DCAF12L2: variants seen among roughly 807,000 people sequenced by gnomAD.
DCAF12L2 encodes DDB1 and CUL4 associated factor 12 like 2, also known as DDB1- and CUL4-associated factor 12-like protein 2.
A neutral mutation model predicts 20.2 loss-of-function variants in DCAF12L2; 16 were observed. The ratio of observed to expected loss-of-function variants is 0.79; its 90% CI spans 0.54 to 1.20. The LOEUF is 1.20. Among genes scored for constraint, DCAF12L2 ranks in the 50% most tolerant of loss-of-function variants. The pLI is 0.00. For missense variants in DCAF12L2, 355 were observed against 404.8 expected (o/e 0.88, Z 1.06); for synonymous variants, 195 against 190.0 (o/e 1.03, Z -0.22).
Position 126,165,062 on chromosome X carries a change from A to C in DCAF12L2, c.863T>G (p.Leu288Arg), listed in dbSNP as rs937598011. 2 of 1,211,942 alleles carry C rather than the reference A, an allele frequency of 1.7e-6. No individual in the cohort carries two copies. The highest frequency in any genetic ancestry group is 2.2e-6 in the Non-Finnish European group (2 of 895,490). Residue 288 changes from leucine (L) to arginine (R), a missense_variant, in exon 1 of 1, where the codon CTG becomes CGG. Leu to Arg is a moderately radical substitution (Grantham distance 102). Transcript: ENST00000360028. ...GAVSLDGYFH[L>R]WKARSTLSRL... ...GGATAGTGTGCTCCGGGCTTTCCACAGGTGGAAGTAGCCGTCCAAGGACAC... is the reference window on the plus strand; with the variant it reads ...GGATAGTGTGCTCCGGGCTTTCCACCGGTGGAAGTAGCCGTCCAAGGACAC...
In DCAF12L2 at chrX:126,164,900, C is replaced by G. The variant is rs749561365; in HGVS notation, c.1025G>C (p.Arg342Pro). 8.2e-7 allele frequency: 1 copy of G among 1,212,155 alleles called. No individual in the cohort carries two copies. The highest frequency in any genetic ancestry group is 1.1e-6 in the Non-Finnish European group (1 of 895,573). The change falls in exon 1 of 1, where the codon CGG (arginine) becomes CCG (proline). Residue 342 changes from arginine (R) to proline (P), a missense_variant. Arg to Pro is a moderately radical substitution (Grantham distance 103). Transcript: ENST00000360028. The part of the protein sequence containing the change: ...LDPRQRQQNI[R>P]PLCSREGGTG... ...GCCACCCTCTCGAGAGCACAGGGGC[C>G]GGATGTTCTGCTGGCGCTGGCGCGG...
In DCAF12L2 at chrX:126,165,460, G is replaced by A. The variant is rs780510617; in HGVS notation, c.465C>T (p.Ile155=). 1.6e-6 allele frequency: 2 copies of A among 1,212,257 alleles called. No individual in the cohort carries two copies. The highest frequency in any genetic ancestry group is 3.4e-5 in the African/African-American group (2 of 58,007). The part of the protein sequence containing the change: ...QAHQGCGIHA[I]ELNPSKTLLA... ...GAAGCGTCTTGGAGGGATTCAGCTCGATGGCATGGATGCCGCAGCCCTGGT... is the reference window on the plus strand; with the variant it reads ...GAAGCGTCTTGGAGGGATTCAGCTCAATGGCATGGATGCCGCAGCCCTGGT... Residue 155 remains isoleucine, a synonymous_variant, in exon 1 of 1, where the codon ATC becomes ATT. Transcript: ENST00000360028.
In DCAF12L2 at chrX:126,165,051, G is replaced by C. The variant is rs768348348; in HGVS notation, c.874C>G (p.Arg292Gly). 2.5e-6 allele frequency: 3 copies of C among 1,212,007 alleles called. No individual in the cohort carries two copies. Among genetic ancestry groups the C allele is most frequent in the Non-Finnish European group, 3.4e-6 (3 of 895,502 alleles). ...GACAGGAGCCTGGATAGTGTGCTCC[G>C]GGCTTTCCACAGGTGGAAGTAGCCG... is the stretch of plus-strand genomic sequence containing the variant. ...LDGYFHLWKARSTLSRLLSIR... is the reference protein window; with the variant it reads ...LDGYFHLWKAGSTLSRLLSIR... Residue 292 changes from arginine to glycine, a missense_variant, in exon 1 of 1, where the codon CGG (arginine) becomes GGG (glycine). Coordinates refer to ENST00000360028, the MANE Select transcript of DCAF12L2 (RefSeq NM_001013628.3).
Position 126,165,818 on chromosome X carries a change from G to A in DCAF12L2, c.107C>T (p.Pro36Leu). 8.3e-7 allele frequency: 1 copy of A among 1,208,172 alleles called. No individual in the cohort carries two copies. The highest frequency in any genetic ancestry group is 1.1e-6 in the Non-Finnish European group (1 of 894,945). The stretch of plus-strand genomic sequence containing the variant: ...CCGCTTCTGCTTCTTGGGTAGCAGA[G>A]GCCCCTCTCCGTCCGCCGCCGCTAA... ...QGLAAADGEG[P>L]LLPKKQKRPA... Residue 36 changes from proline (P) to leucine (L), a missense_variant, in exon 1 of 1, where the codon CCT (proline) becomes CTT (leucine). Coordinates refer to ENST00000360028, the MANE Select transcript of DCAF12L2 (RefSeq NM_001013628.3).
Position 126,166,051 on chromosome X carries a change from G to A in DCAF12L2, c.-127C>T, listed in dbSNP as rs1424986758. Reference sequence around the variant, plus strand: ...CGGTGGTGGGGATGGCTGCGCTTCCGCGTCAGCCGAGAGCTCAGGATCTCT... The same window carrying A: ...CGGTGGTGGGGATGGCTGCGCTTCCACGTCAGCCGAGAGCTCAGGATCTCT... On this transcript the variant is annotated 5_prime_UTR_variant, in exon 1 of 1. Transcript: ENST00000360028. 3.3e-5 allele frequency: 23 copies of A among 687,146 alleles called. No homozygotes were observed. The highest frequency in any genetic ancestry group is 4.0e-5 in the Non-Finnish European group (23 of 579,537). 56.6% of individuals were successfully genotyped at this position (687,146 alleles called of 1,213,427 possible).
In DCAF12L2 at chrX:126,165,567, G is replaced by A; in HGVS notation, c.358C>T (p.Leu120=). The stretch of plus-strand genomic sequence containing the variant: ...CCTGACTGCACGTCCACCACAAACA[G>A]CGTATTACACTTGGTGCCGCACACC... ...QVVCGTKCNT[L]FVVDVQSGHI... Residue 120 remains leucine (L), a synonymous_variant, in exon 1 of 1, where the codon CTG becomes TTG. Transcript: ENST00000360028. 8.2e-7 allele frequency: 1 copy of A among 1,212,417 alleles called. No individual in the cohort carries two copies. The highest frequency in any genetic ancestry group is 1.1e-6 in the Non-Finnish European group (1 of 895,565).
Position 126,164,924 on chromosome X carries a change from G to C in DCAF12L2, c.1001C>G (p.Pro334Arg). The part of the protein sequence containing the change: ...GSQSHVSFLD[P>R]RQRQQNIRPL... ...CCGGATGTTCTGCTGGCGCTGGCGC[G>C]GATCCAGGAAGGAGACGTGGGACTG... The change falls in exon 1 of 1, where the codon CCG becomes CGG. Residue 334 changes from proline (P) to arginine (R), a missense_variant. Coordinates refer to ENST00000360028, the MANE Select transcript of DCAF12L2 (RefSeq NM_001013628.3). 1.6e-6 allele frequency: 2 copies of C among 1,212,304 alleles called. No individual in the cohort carries two copies. The highest frequency in any genetic ancestry group is 2.2e-6 in the Non-Finnish European group (2 of 895,626).
In DCAF12L2 at chrX:126,165,752, C is replaced by T; in HGVS notation, c.173G>A (p.Arg58Gln). Residue 58 changes from arginine to glutamine, a missense_variant, in exon 1 of 1, where the codon CGG becomes CAG. Arg to Gln is a conservative substitution (Grantham distance 43). Transcript: ENST00000360028. ...GGCTGGGCCCCGCGCTCCTACCTCC[C>T]GGCCCTTCAGATAGTGCACCAGCCT... ...RRRLVHYLKG[R>Q]EVGARGPAGL... is the part of the protein sequence containing the mutation. 8.3e-7 allele frequency: 1 copy of T among 1,209,946 alleles called. No homozygotes were observed. The highest frequency in any genetic ancestry group is 1.1e-6 in the Non-Finnish European group (1 of 895,074).
Position 126,164,540 on chromosome X carries a change from C to T in DCAF12L2, c.1385G>A (p.Trp462Ter). The change falls in exon 1 of 1, where the codon TGG becomes TAG. Residue 462 changes from tryptophan (W) to a stop codon, truncating the protein, a stop_gained. Coordinates refer to ENST00000360028, the MANE Select transcript of DCAF12L2 (RefSeq NM_001013628.3). LOFTEE classifies it high-confidence loss of function. ...SGLHGNYAGL[W>*]S ...AGAACAAGGCGTCCATCCTTAACTC[C>T]AGAGGCCTGCGTAGTTCCCATGGAG... 1 of 1,205,960 alleles carries T rather than the reference C, an allele frequency of 8.3e-7. No individual in the cohort carries two copies. The highest frequency in any genetic ancestry group is 1.1e-6 in the Non-Finnish European group (1 of 892,788).
At position 126,164,450 on chromosome X, in the gene DCAF12L2, A is replaced by T. The variant is rs1367268591; in HGVS notation, c.*83T>A. 9.0e-7 allele frequency: 1 copy of T among 1,113,668 alleles called. No individual in the cohort carries two copies. The highest frequency in any genetic ancestry group is 1.2e-6 in the Non-Finnish European group (1 of 840,790). The allele number at this position is 1,113,668 out of a possible 1,213,427, so 91.8% of individuals were successfully genotyped here. Reference sequence around the variant, plus strand: ...GGAAGACAAAAGCCACACAAAGTTAAAAGCACAAATGCAGCATGAAGAAGG... The same window carrying T: ...GGAAGACAAAAGCCACACAAAGTTATAAGCACAAATGCAGCATGAAGAAGG... On this transcript the variant is annotated 3_prime_UTR_variant, in exon 1 of 1. Transcript: ENST00000360028.
In DCAF12L2 at chrX:126,165,175, C is replaced by A. The variant is rs749094711; in HGVS notation, c.750G>T (p.Val250=). The A allele has an allele frequency of 4.1e-6, 5 of 1,212,145 alleles. No homozygotes were observed. Among genetic ancestry groups the A allele is most frequent in the Non-Finnish European group, 5.6e-6 (5 of 895,508 alleles). ...TGGTGCTGGCCCTGGGGATGGCCTC[C>A]ACATCCCTCGGACGGATGTGGGCAT... ...PVYAHIRPRD[V]EAIPRASTNP... The change falls in exon 1 of 1, where the codon GTG becomes GTT. Residue 250 remains valine, a synonymous_variant. Coordinates refer to ENST00000360028, the MANE Select transcript of DCAF12L2 (RefSeq NM_001013628.3).
In DCAF12L2 at chrX:126,164,287, G is replaced by A; in HGVS notation, c.*246C>T. 2.7e-6 allele frequency: 1 copy of A among 370,313 alleles called. No individual in the cohort carries two copies. The highest frequency in any genetic ancestry group is 4.6e-6 in the Non-Finnish European group (1 of 218,847). The allele number at this position is 370,313 out of a possible 1,213,427, so 30.5% of individuals were successfully genotyped here. ...AATGAGAAGGCAAAAATATACTGCTGTTGGGAAACGTGAATGAGAGTTTTA... is the reference window on the plus strand; with the variant it reads ...AATGAGAAGGCAAAAATATACTGCTATTGGGAAACGTGAATGAGAGTTTTA... On this transcript the variant is annotated 3_prime_UTR_variant, in exon 1 of 1. Coordinates refer to ENST00000360028, the MANE Select transcript of DCAF12L2 (RefSeq NM_001013628.3).
At position 126,165,733 on chromosome X, in the gene DCAF12L2, G is replaced by A. The variant is rs747184019; in HGVS notation, c.192C>T (p.Gly64=). Reference sequence around the variant, plus strand: ...CCTCGAAGCCCTGGAGCCCGGCTGGGCCCCGCGCTCCTACCTCCCGGCCCT... The same window carrying A: ...CCTCGAAGCCCTGGAGCCCGGCTGGACCCCGCGCTCCTACCTCCCGGCCCT... ...YLKGREVGAR[G]PAGLQGFEGE... The change falls in exon 1 of 1, where the codon GGC becomes GGT. Residue 64 remains glycine (G), a synonymous_variant. Transcript: ENST00000360028. The A allele has an allele frequency of 5.0e-6, 6 of 1,209,862 alleles. No homozygotes were observed. In the South Asian group the frequency reaches 1.1e-4, roughly 21 times the overall value.
Position 126,165,223 on chromosome X carries a change from G to A in DCAF12L2, c.702C>T (p.His234=), listed in dbSNP as rs760172975. ...CATATACTGGGAGACCCACCTCGCTGTGCCAGGCAATGCTGCCATTAAACA... is the reference window on the plus strand; with the variant it reads ...CATATACTGGGAGACCCACCTCGCTATGCCAGGCAATGCTGCCATTAAACA... ...PDMFNGSIAW[H]SEVGLPVYAH... Residue 234 remains histidine (H), a synonymous_variant, in exon 1 of 1, where the codon CAC becomes CAT. Coordinates refer to ENST00000360028, the MANE Select transcript of DCAF12L2 (RefSeq NM_001013628.3). The A allele has an allele frequency of 8.3e-6, 10 of 1,210,943 alleles. No individual in the cohort carries two copies. Among genetic ancestry groups the A allele is most frequent in the South Asian group, 1.8e-5 (1 of 56,903 alleles).
Position 126,164,355 on chromosome X carries a change from C to T in DCAF12L2, c.*178G>A. The T allele has an allele frequency of 3.5e-6, 2 of 578,662 alleles. No homozygotes were observed. Among genetic ancestry groups the T allele is most frequent in the African/African-American group, 2.3e-5 (1 of 43,612 alleles). 47.7% of individuals were successfully genotyped at this position (578,662 alleles called of 1,213,427 possible). A position where few individuals can be genotyped will look rare whatever the true frequency, so the allele number is the denominator to read the frequency against. On this transcript the variant is annotated 3_prime_UTR_variant, in exon 1 of 1. Coordinates refer to ENST00000360028, the MANE Select transcript of DCAF12L2 (RefSeq NM_001013628.3). ...GCCGAAAGGACCACTTGTGCTCTCT[C>T]GCTCCCGCTCTCTCTCTTTCTTTCT...
chrX:126,165,673 G>C lies in DCAF12L2; in HGVS notation c.252C>G (p.Pro84=). 1 of 1,211,559 alleles carries C rather than the reference G, an allele frequency of 8.3e-7. No homozygotes were observed. The highest frequency in any genetic ancestry group is 1.1e-6 in the Non-Finnish European group (1 of 895,437). The stretch of plus-strand genomic sequence containing the variant: ...CCAGCTGGCGCTCCGTCAGCAGCTC[G>C]GGCAGCCTCTGGACGGCGTAGCCCC... ...ELRGYAVQRL[P]ELLTERQLDL... is the part of the protein sequence containing the mutation. The change falls in exon 1 of 1, where the codon CCC becomes CCG. Residue 84 remains proline, a synonymous_variant. Coordinates refer to ENST00000360028, the MANE Select transcript of DCAF12L2 (RefSeq NM_001013628.3).
rs778797331 is a variant in DCAF12L2, at chrX:126,165,301, A to G, written c.624T>C (p.Ala208=). The change falls in exon 1 of 1, where the codon GCT becomes GCC. Residue 208 remains alanine (A), a synonymous_variant. Coordinates refer to ENST00000360028, the MANE Select transcript of DCAF12L2 (RefSeq NM_001013628.3). ...CGGTGCCGTCGCGGGAGCCGCTCACAGCTACGGTGTCACTCAGCCAGGCGA... is the reference window on the plus strand; with the variant it reads ...CGGTGCCGTCGCGGGAGCCGCTCACGGCTACGGTGTCACTCAGCCAGGCGA... The part of the protein sequence containing the change: ...FAVAWLSDTV[A]VSGSRDGTVA... 7.1e-5 allele frequency: 86 copies of G among 1,211,423 alleles called. No individual in the cohort carries two copies. Among genetic ancestry groups the G allele is most frequent in the Non-Finnish European group, 8.5e-5 (76 of 895,424 alleles).
rs1449903610 is a variant in DCAF12L2, at chrX:126,165,709, C to A, written c.216G>T (p.Glu72Asp). Residue 72 changes from glutamate to aspartate, a missense_variant, in exon 1 of 1, where the codon GAG becomes GAT. Physicochemically the swap from Glu to Asp is conservative, Grantham distance 45. Transcript: ENST00000360028. The part of the protein sequence containing the change: ...ARGPAGLQGF[E>D]GELRGYAVQR... ...GGACGGCGTAGCCCCGCAGCTCGCC[C>A]TCGAAGCCCTGGAGCCCGGCTGGGC... 2.5e-6 allele frequency: 3 copies of A among 1,210,652 alleles called. No homozygotes were observed. The highest frequency in any genetic ancestry group is 4.3e-5 in the Admixed American group (2 of 46,099).
At position 126,166,016 on chromosome X, in the gene DCAF12L2, G is replaced by T; in HGVS notation, c.-92C>A. ...GTGGCGGCGCGTGGCACCCGTGTTG[G>T]CCGTGGCGGCGGTGGTGGGGATGGC... On this transcript the variant is annotated 5_prime_UTR_variant, in exon 1 of 1. Coordinates refer to ENST00000360028, the MANE Select transcript of DCAF12L2 (RefSeq NM_001013628.3). 2.7e-6 allele frequency: 2 copies of T among 750,001 alleles called. No homozygotes were observed. Among genetic ancestry groups the T allele is most frequent in the East Asian group, 2.9e-4 (2 of 6,981 alleles). The allele number at this position is 750,001 out of a possible 1,213,427, so 61.8% of individuals were successfully genotyped here.
Sources: gnomAD v4.1 joint callset for allele counts on GRCh38, gnomAD v4.1.1 for gene constraint, MANE v1.5 for transcripts, NCBI Gene and HGNC (gene_info 2026-07-23, HGNC 2026-07-21) for gene names.